The following TEX11 variants were observed in gnomAD, a reference collection of about 807,000 sequenced individuals.
TEX11 encodes testis-expressed protein 11.
TEX11 carries 7 observed loss-of-function variants against 84.4 expected under a neutral mutation model. The observed-to-expected ratio is 0.08, with a 90% CI of 0.05 to 0.16. The LOEUF is 0.16. Ranked by LOEUF, TEX11 falls within the 10% of genes least tolerant of loss-of-function variation. The pLI, the probability that TEX11 is intolerant of heterozygous loss-of-function variation, is 1.00. For synonymous variants in TEX11, 264 were observed against 222.8 expected (o/e 1.18, Z -1.64); for missense variants, 551 against 660.5 (o/e 0.83, Z 1.82).
the TEX11 span, among the ~76,000 whole-genome samples, chrX:70,517,383 G>T: frequency 9.1e-6 from 1 of 109,908 alleles, no homozygotes; most frequent in Admixed American, 9.7e-5. Flanking sequence ...AGATAATCAT[G>T]TAATTTTTGC....
chrX:70,706,006 C>G (rs917109088), intron 13 of TEX11, among the ~76,000 whole-genome samples: 5 of 111,203 alleles, frequency 4.5e-5, no homozygotes, highest in African/African-American at 1.6e-4. Flanking sequence ...GACACATGCA[C>G]ACATATGTTT....
chrX:70,566,865 C>CT (rs1393267824), intron 25 of TEX11, among the ~76,000 whole-genome samples: 2 of 111,528 alleles, frequency 1.8e-5, no homozygotes, highest in African/African-American at 6.5e-5. Flanking sequence ...CTAAAATTCT[C>CT]TTTTTTGGTT....
intron 28 of TEX11, among the ~76,000 whole-genome samples, chrX:70,541,726 C>G (rs1202365491): frequency 8.9e-6 from 1 of 112,094 alleles, no homozygotes; most frequent in African/African-American, 3.2e-5. Context: ...CCACTGCACT[C>G]CAGCCTGGGT....
the TEX11 span, among the ~76,000 whole-genome samples, chrX:70,519,317 A>G: frequency 6.3e-5 from 7 of 111,850 alleles, no homozygotes; most frequent in African/African-American, 2.3e-4. Context: ...GCTGGTGACA[A>G]AATCTCTCAG....
chrX:70,758,324 C>G (rs1324295751), intron 9 of TEX11, among the ~76,000 whole-genome samples: 1 of 111,999 alleles, frequency 8.9e-6, no homozygotes, highest in Non-Finnish European at 1.9e-5. Flanking sequence ...AATATACATT[C>G]TTCTCAGCAC....
chrX:70,849,519 A>G (rs1414060605), intron 7 of TEX11, among the ~76,000 whole-genome samples: 1 of 111,884 alleles, frequency 8.9e-6, no homozygotes, highest in East Asian at 2.8e-4. Context: ...TAATAAAGCA[A>G]TTATCTAACT....
At chrX:70,694,576 T>C (rs1402548233) in intron 13 of TEX11, among the ~76,000 whole-genome samples, 2 of 111,994 alleles carry the variant, frequency 1.8e-5, no homozygotes, top group African/African-American at 6.5e-5. Context: ...GTGGAGAAAC[T>C]GAAACTCTCA....
intron 9 of TEX11, among the ~76,000 whole-genome samples, chrX:70,770,381 C>T (rs893651030): frequency 9.0e-6 from 1 of 111,441 alleles, no homozygotes; most frequent in Non-Finnish European, 1.9e-5. Flanking sequence ...TAAATACTAT[C>T]CTTAGGGTAA....
rs748457350 is a variant in TEX11 at position 70,529,829 on chromosome X, C to T, written c.2685+6G>A. ...TGTCATCTGCCCTAGCCCTCTCCCT[C>T]CTTACCTGAGTTTCATAGCTTTCCT... On this transcript the variant is annotated splice_donor_region_variant and intron_variant, in intron 29 of 29. Coordinates refer to ENST00000374333, the MANE Select transcript of TEX11 (RefSeq NM_031276.3). The T allele has an allele frequency of 4.2e-6, 5 of 1,203,238 alleles. No homozygotes were observed. The highest frequency in any genetic ancestry group is 3.6e-5 in the South Asian group (2 of 55,588).
At chrX:70,690,064 G>A (rs1798234904) in intron 13 of TEX11, among the ~76,000 whole-genome samples, 1 of 111,479 alleles carries the variant, frequency 9.0e-6, no homozygotes, top group African/African-American at 3.3e-5. Flanking sequence ...CAAAATACTT[G>A]ATGGGTAGTC....
At chrX:70,625,564 C>T (rs2089441364) in intron 18 of TEX11, among the ~76,000 whole-genome samples, 1 of 110,309 alleles carries the variant, frequency 9.1e-6, no homozygotes, top group African/African-American at 3.3e-5. Flanking sequence ...CTCTTCATTG[C>T]CATTTTAAAA....
chrX:70,550,494 C>T (rs1348568464), intron 28 of TEX11, among the ~76,000 whole-genome samples: 1 of 111,635 alleles, frequency 9.0e-6, no homozygotes, highest in African/African-American at 3.3e-5. Flanking sequence ...CATACTACCC[C>T]TCTGATAAGG....
At chrX:70,516,818 C>T in the TEX11 span, among the ~76,000 whole-genome samples, 1 of 110,455 alleles carries the variant, frequency 9.1e-6, no homozygotes, top group African/African-American at 3.3e-5. Flanking sequence ...TTGTAGTTCT[C>T]CTTGAAGAGT....
intron 9 of TEX11, among the ~76,000 whole-genome samples, chrX:70,756,073 C>T (rs1245559150): frequency 8.9e-6 from 1 of 111,799 alleles, no homozygotes; most frequent in African/African-American, 3.2e-5. Flanking sequence ...CTTGAGTAGG[C>T]GGTTTTGTGC....
intron 9 of TEX11, among the ~76,000 whole-genome samples, chrX:70,785,653 G>A (rs1469416036): frequency 1.8e-5 from 2 of 112,188 alleles, no homozygotes; most frequent in South Asian, 3.7e-4. Context: ...CAAAAAGTGG[G>A]TGAAGGATAT....
chrX:70,667,188 A>G (rs1029521632), intron 16 of TEX11, among the ~76,000 whole-genome samples: 3 of 112,239 alleles, frequency 2.7e-5, no homozygotes, highest in African/African-American at 9.7e-5. Flanking sequence ...AGCCACACCA[A>G]TTTGATTACA....
chrX:70,671,880 GATATATAT>G (rs67645855), intron 15 of TEX11, among the ~76,000 whole-genome samples: 20 of 66,342 alleles, frequency 3.0e-4, no homozygotes, highest in East Asian at 1.3e-3. Flanking sequence ...CAATTGTTTT[GATATATAT>G]ATATATATAT....
chrX:70,537,164 G>A (rs777975183), intron 28 of TEX11, among the ~76,000 whole-genome samples: 1 of 111,919 alleles, frequency 8.9e-6, no homozygotes, highest in Admixed American at 9.5e-5. Flanking sequence ...GATCTCATAT[G>A]TGATGCCCTT....
intron 7 of TEX11, among the ~76,000 whole-genome samples, chrX:70,840,611 T>C (rs1271385011): frequency 1.1e-4 from 12 of 111,213 alleles, no homozygotes; most frequent in Non-Finnish European, 2.1e-4. Context: ...AATGACAGGA[T>C]CAAATTCACA....
Sources: allele counts gnomAD v4.1 joint callset (sites outside exome capture counted in the v4.1 genomes callset), GRCh38; gene constraint gnomAD v4.1.1; transcripts MANE v1.5; gene names NCBI Gene and HGNC (gene_info 2026-07-23, HGNC 2026-07-21).